Variants in SDHAF3 observed in about 807,000 individuals in gnomAD.
SDHAF3 encodes the protein succinate dehydrogenase complex assembly factor 3.
Under a neutral mutation model 11.5 loss-of-function variants are expected in SDHAF3, and 18 were observed. The observed-to-expected ratio is 1.56, with a 90% CI of 1.08 to 2.32. The LOEUF (loss-of-function observed/expected upper bound fraction) is 2.32, where lower values mean the gene tolerates loss of function less well. Ranked by LOEUF, SDHAF3 falls within the 30% of genes most tolerant of loss-of-function variation. SDHAF3 has a pLI of 0.00. For missense variants in SDHAF3, 200 were observed against 154.4 expected (o/e 1.30, Z -1.57); for synonymous variants, 72 against 59.3 (o/e 1.21, Z -0.99).
intron 1 of SDHAF3, among the ~76,000 whole-genome samples, chr7:97,138,272 G>A (rs1345799249): frequency 6.6e-6 from 1 of 151,610 alleles, no homozygotes; most frequent in African/African-American, 2.4e-5. Context: ...CAATTCTCTT[G>A]CCTCAGCCTC....
chr7:97,126,513 C>T (rs1011791192), intron 1 of SDHAF3, among the ~76,000 whole-genome samples: 2 of 152,140 alleles, frequency 1.3e-5, no homozygotes, highest in African/African-American at 4.8e-5. Context: ...AGATGCCCTG[C>T]CCAGTGAGGA....
At chr7:97,136,282 A>C (rs1183016963) in intron 1 of SDHAF3, 2 of 479,760 alleles carry the variant, frequency 4.2e-6, no homozygotes, top group Non-Finnish European at 7.5e-6. Context: ...AAACTTACTA[A>C]TTAAAAGAGT....
chr7:97,121,198 A>G (rs1023525594), intron 1 of SDHAF3, among the ~76,000 whole-genome samples: 2 of 152,212 alleles, frequency 1.3e-5, no homozygotes, highest in Non-Finnish European at 2.9e-5. Context: ...CGGCATTTTA[A>G]AAGTTCTGAC....
rs1584238470 is a variant in SDHAF3 at position 97,181,048 on chromosome 7, A to G, written c.211A>G (p.Asn71Asp). 6.2e-7 allele frequency: 1 copy of G among 1,613,924 alleles called. No homozygotes were observed. The highest frequency in any genetic ancestry group is 1.7e-5 in the Admixed American group (1 of 60,002). Residue 71 changes from asparagine to aspartate, a missense_variant, in exon 2 of 2, where the codon AAC (asparagine) becomes GAC (aspartate). By Grantham distance (23) the Asn-to-Asp change is conservative (BLOSUM62 1). Transcript: ENST00000432641. The stretch of plus-strand genomic sequence containing the variant: ...AGCGTTATTGCAACAGGCTAACGAA[A>G]ACAGACAAAATTCAACTGGAAAAGC... ...ATALLQQANENRQNSTGKACF... is the reference protein window; with the variant it reads ...ATALLQQANEDRQNSTGKACF...
At chr7:97,167,044 A>ATTTTT (rs71131005) in intron 1 of SDHAF3, among the ~76,000 whole-genome samples, 2 of 147,686 alleles carry the variant, frequency 1.4e-5, no homozygotes, top group African/African-American at 2.5e-5. Flanking sequence ...ACTTTCAGTG[A>ATTTTT]TTTTTTTTTT....
intron 1 of SDHAF3, among the ~76,000 whole-genome samples, chr7:97,142,042 CTTTTTTTT>C (rs71131003): frequency 0.015 from 953 of 61,612 alleles, 3 homozygotes; most frequent in African/African-American, 0.049. Context: ...GAATTGTTGT[CTTTTTTTT>C]TTTTTTTTTT....
intron 1 of SDHAF3, among the ~76,000 whole-genome samples, chr7:97,137,711 A>C (rs1263939342): frequency 6.6e-6 from 1 of 152,198 alleles, no homozygotes; most frequent in Non-Finnish European, 1.5e-5. Context: ...ATAGTTGTGA[A>C]TGCTGGTCTT....
intron 1 of SDHAF3, among the ~76,000 whole-genome samples, chr7:97,119,916 T>C (rs1430768182): frequency 6.6e-6 from 1 of 152,210 alleles, no homozygotes; most frequent in African/African-American, 2.4e-5. Flanking sequence ...CAACACTTAA[T>C]GTCAGAGGGC....
intron 1 of SDHAF3, among the ~76,000 whole-genome samples, chr7:97,165,381 TGTTTTTA>T (rs1789486546): frequency 7.8e-6 from 1 of 127,420 alleles, no homozygotes; most frequent in Non-Finnish European, 1.7e-5. Context: ...TTTTTTTGCT[TGTTTTTA>T]TTTTGGTTAC....
rs1211785803 is a variant in SDHAF3, at chr7:97,176,352, C to T, written c.175-4660C>T. ...CAATCATAGGGAATCTTCTAACTTTCGGGATAGCATTATTCTTAGAAGCCA... is the reference window on the plus strand; with the variant it reads ...CAATCATAGGGAATCTTCTAACTTTTGGGATAGCATTATTCTTAGAAGCCA... On this transcript the variant is annotated intron_variant, in intron 1 of 1. Transcript: ENST00000432641. Among the ~76,000 whole-genome samples the T allele has an allele frequency of 2.6e-5, 4 of 152,142 alleles. 1 individual carries two copies. The highest frequency in any genetic ancestry group is 1.3e-4 in the Admixed American group (2 of 15,288).
intron 1 of SDHAF3, among the ~76,000 whole-genome samples, chr7:97,130,878 G>T (rs1039818103): frequency 3.9e-5 from 6 of 152,214 alleles, no homozygotes; most frequent in African/African-American, 1.4e-4. Flanking sequence ...TATGCTGATT[G>T]GTCCATGGGC....
chr7:97,159,502 G>A (rs1789365362), intron 1 of SDHAF3, among the ~76,000 whole-genome samples: 1 of 152,142 alleles, frequency 6.6e-6, no homozygotes, highest in African/African-American at 2.4e-5. Context: ...TTCCCAAATA[G>A]CCCCCTCAGC....
chr7:97,117,721 G>T lies in SDHAF3; in HGVS notation c.-3G>T. On this transcript the variant is annotated 5_prime_UTR_variant, in exon 1 of 2. Transcript: ENST00000432641. ...GCGCAGTCGGCGGTCGGCGTGGGGCGCTATGCCGGGGCGGCACGTTTCTCG... is the reference window on the plus strand; with the variant it reads ...GCGCAGTCGGCGGTCGGCGTGGGGCTCTATGCCGGGGCGGCACGTTTCTCG... The T allele has an allele frequency of 6.2e-7, 1 of 1,610,924 alleles. No homozygotes were observed.
intron 1 of SDHAF3, among the ~76,000 whole-genome samples, chr7:97,125,452 A>G (rs532706702): frequency 2.6e-5 from 4 of 151,198 alleles, no homozygotes; most frequent in Non-Finnish European, 5.9e-5. Context: ...TTTCAAAGAA[A>G]CCACTTTCAG....
chr7:97,166,315 A>T (rs1228843374), intron 1 of SDHAF3, among the ~76,000 whole-genome samples: 1 of 152,208 alleles, frequency 6.6e-6, no homozygotes, highest in African/African-American at 2.4e-5. Flanking sequence ...CAGTAAATAC[A>T]TGTAAGATGT....
intron 1 of SDHAF3, among the ~76,000 whole-genome samples, chr7:97,125,505 A>G (rs987682532): frequency 6.6e-6 from 1 of 152,166 alleles, no homozygotes; most frequent in East Asian, 1.9e-4. Context: ...ACATAGTCCC[A>G]TATTTCTTGG....
At chr7:97,168,941 T>A (rs1789558797) in intron 1 of SDHAF3, among the ~76,000 whole-genome samples, 1 of 151,862 alleles carries the variant, frequency 6.6e-6, no homozygotes, top group Non-Finnish European at 1.5e-5. Flanking sequence ...GAAATGTGAT[T>A]GTGATAATGC....
At chr7:97,162,119 C>T (rs1178388482) in intron 1 of SDHAF3, among the ~76,000 whole-genome samples, 9 of 152,110 alleles carry the variant, frequency 5.9e-5, no homozygotes, top group Non-Finnish European at 1.2e-4. Context: ...TTTTAATCAT[C>T]GCCATTCTAA....
chr7:97,178,205 C>T (rs1417050384), intron 1 of SDHAF3, among the ~76,000 whole-genome samples: 1 of 152,066 alleles, frequency 6.6e-6, no homozygotes, highest in Non-Finnish European at 1.5e-5. Flanking sequence ...AAGGTTTATC[C>T]ATGTTGTAGT....
Sources: gnomAD v4.1 joint callset for allele counts (sites outside exome capture counted in the v4.1 genomes callset) on GRCh38, gnomAD v4.1.1 for gene constraint, MANE v1.5 for transcripts, NCBI Gene and HGNC (gene_info 2026-07-23, HGNC 2026-07-21) for gene names.